Variants in PLXDC2 observed in about 807,000 individuals in gnomAD.
PLXDC2 encodes plexin domain-containing protein 2.
A neutral mutation model predicts 68.9 loss-of-function variants in PLXDC2; 40 were observed. The observed-to-expected ratio is 0.58, with a 90% CI of 0.45 to 0.76. The LOEUF (loss-of-function observed/expected upper bound fraction) is 0.76, where lower values mean the gene tolerates loss of function less well. Ranked by LOEUF, PLXDC2 falls within the 30% of genes least tolerant of loss-of-function variation. The probability of loss-of-function intolerance (pLI) is 0.00; values close to 1 mark genes in which losing one functional copy is unlikely to be tolerated. For synonymous variants in PLXDC2, 243 were observed against 234.2 expected (o/e 1.04, Z -0.34); for missense variants, 644 against 661.9 (o/e 0.97, Z 0.30).
At chr10:20,114,293 C>T (rs1833595311) in intron 4 of PLXDC2, among the ~76,000 whole-genome samples, 1 of 152,208 alleles carries the variant, frequency 6.6e-6, no homozygotes, top group Non-Finnish European at 1.5e-5. Context: ...CCACATCATG[C>T]ACCGTTCTCT....
At position 20,126,719 on chromosome 10, in the gene PLXDC2, C is replaced by CATGTTATATATGTATATAGA. The variant is rs1833792478; in HGVS notation, c.542-16575_542-16574insTGTTATATATGTATATAGAA. On this transcript the variant is annotated intron_variant, in intron 4 of 13. Coordinates refer to ENST00000377252, the MANE Select transcript of PLXDC2 (RefSeq NM_032812.9). ...ACGTTATATATGTATATATAACACA[C>CATGTTATATATGTATATAGA]ACGTTATATATGTATATAGAACACA... is the stretch of plus-strand genomic sequence containing the variant. Among the ~76,000 whole-genome samples, 7 of 142,762 alleles carry CATGTTATATATGTATATAGA rather than the reference C, an allele frequency of 4.9e-5. 3 individuals carry two copies. Among genetic ancestry groups the CATGTTATATATGTATATAGA allele is most frequent in the East Asian group, 4.2e-4 (2 of 4,736 alleles). The allele number at this position is 142,762 out of a possible 152,430, so 93.7% of individuals were successfully genotyped here.
At chr10:20,213,659 A>G (rs1223388564) in intron 10 of PLXDC2, among the ~76,000 whole-genome samples, 4 of 152,072 alleles carry the variant, frequency 2.6e-5, no homozygotes, top group African/African-American at 9.7e-5. Flanking sequence ...TACCTTTTTT[A>G]CTATTGACTT....
intron 13 of PLXDC2, among the ~76,000 whole-genome samples, chr10:20,272,958 G>A (rs571110300): frequency 1.3e-5 from 2 of 152,318 alleles, no homozygotes; most frequent in African/African-American, 4.8e-5. Context: ...CATTCATTTA[G>A]AGAATAAAAG....
intron 1 of PLXDC2, among the ~76,000 whole-genome samples, chr10:19,870,317 A>G (rs1164748632): frequency 1.3e-5 from 2 of 152,256 alleles, no homozygotes; most frequent in African/African-American, 4.8e-5. Context: ...ACCTCTGAAT[A>G]TAGTTAAAGG....
chr10:19,982,338 T>C (rs1472183612), intron 1 of PLXDC2, among the ~76,000 whole-genome samples: 1 of 152,254 alleles, frequency 6.6e-6, no homozygotes, highest in Admixed American at 6.5e-5. Context: ...CCCTCCGTTC[T>C]GTGAGTCTTT....
intron 1 of PLXDC2, among the ~76,000 whole-genome samples, chr10:19,922,907 T>C (rs900029835): frequency 2.6e-5 from 4 of 152,198 alleles, no homozygotes; most frequent in African/African-American, 7.2e-5. Flanking sequence ...ATAACTGAAC[T>C]GTTGTCCAAA....
chr10:20,103,625 A>G (rs1833451249), intron 4 of PLXDC2, among the ~76,000 whole-genome samples: 1 of 149,370 alleles, frequency 6.7e-6, no homozygotes, highest in African/African-American at 2.5e-5. Context: ...AACTGGGAAG[A>G]CACATCTTTT....
At chr10:20,157,340 A>G (rs951697717) in intron 6 of PLXDC2, among the ~76,000 whole-genome samples, 2 of 152,186 alleles carry the variant, frequency 1.3e-5, no homozygotes, top group Admixed American at 1.3e-4. Flanking sequence ...TTAGATAGGC[A>G]TATGATTCAC....
At chr10:19,891,138 A>G (rs572458265) in intron 1 of PLXDC2, among the ~76,000 whole-genome samples, 2 of 152,332 alleles carry the variant, frequency 1.3e-5, no homozygotes, top group South Asian at 2.1e-4. Flanking sequence ...CCTGAAAAAT[A>G]TAAGTACCCA....
At chr10:20,210,373 A>G (rs1230337180) in intron 9 of PLXDC2, among the ~76,000 whole-genome samples, 2 of 152,136 alleles carry the variant, frequency 1.3e-5, no homozygotes, top group Non-Finnish European at 2.9e-5. Flanking sequence ...ATAGTTAACC[A>G]TGGATAACTG....
At chr10:19,863,024 A>C (rs1024871188) in intron 1 of PLXDC2, among the ~76,000 whole-genome samples, 1 of 152,200 alleles carries the variant, frequency 6.6e-6, no homozygotes, top group South Asian at 2.1e-4. Context: ...AATGACAAGA[A>C]CATATGGGGA....
intron 1 of PLXDC2, among the ~76,000 whole-genome samples, chr10:19,839,920 A>T (rs1836872568): frequency 2.6e-5 from 4 of 152,212 alleles, no homozygotes; most frequent in Admixed American, 2.6e-4. Flanking sequence ...ATCTTCAAAC[A>T]ATCTAAAATT....
At chr10:19,993,328 G>T (rs1834782088) in intron 1 of PLXDC2, among the ~76,000 whole-genome samples, 1 of 151,960 alleles carries the variant, frequency 6.6e-6, no homozygotes, top group Non-Finnish European at 1.5e-5. Flanking sequence ...TACACATAAA[G>T]TTATAATGTC....
At chr10:20,078,901 C>A (rs148849446) in intron 4 of PLXDC2, among the ~76,000 whole-genome samples, 497 of 152,052 alleles carry the variant, frequency 3.3e-3, no homozygotes, top group Non-Finnish European at 5.1e-3. Flanking sequence ...TTTAAATTAA[C>A]CTGATTTATT....
At chr10:19,859,163 A>T (rs1029268960) in intron 1 of PLXDC2, among the ~76,000 whole-genome samples, 2 of 152,072 alleles carry the variant, frequency 1.3e-5, no homozygotes, top group East Asian at 3.9e-4. Flanking sequence ...GAGGGATCTG[A>T]CCTCAGGATC....
intron 6 of PLXDC2, 76 bp downstream of exon 6, chr10:20,147,978 G>C: frequency 9.5e-7 from 1 of 1,050,452 alleles, no homozygotes; most frequent in Non-Finnish European, 1.5e-6. Flanking sequence ...GTCAAGAAAG[G>C]GACATTTTAC....
At chr10:20,179,384 GA>G (rs1195983581) in intron 9 of PLXDC2, among the ~76,000 whole-genome samples, 1 of 151,830 alleles carries the variant, frequency 6.6e-6, no homozygotes, top group African/African-American at 2.4e-5. Context: ...TGGGACTGCA[GA>G]AAAAAATGGA....
intron 1 of PLXDC2, among the ~76,000 whole-genome samples, chr10:19,999,752 T>G (rs1488502664): frequency 6.6e-6 from 1 of 152,190 alleles, no homozygotes; most frequent in African/African-American, 2.4e-5. Context: ...AGGTGCCTCA[T>G]GTATGTTTGG....
At chr10:20,055,907 T>C (rs886557868) in intron 3 of PLXDC2, among the ~76,000 whole-genome samples, 1 of 152,146 alleles carries the variant, frequency 6.6e-6, no homozygotes, top group Non-Finnish European at 1.5e-5. Context: ...TCTTTGGATA[T>C]TTAAAAGGTG....
Sources: gnomAD v4.1 joint callset for allele counts (sites outside exome capture counted in the v4.1 genomes callset) on GRCh38, gnomAD v4.1.1 for gene constraint, MANE v1.5 for transcripts, NCBI Gene and HGNC (gene_info 2026-07-23, HGNC 2026-07-21) for gene names.